PAPSS1: variants seen among roughly 807,000 people sequenced by gnomAD.
The protein encoded by PAPSS1 is bifunctional 3'-phosphoadenosine 5'-phosphosulfate synthase 1.
PAPSS1 carries 50 observed loss-of-function variants against 72.0 expected under a neutral mutation model. The ratio of observed to expected loss-of-function variants is 0.69; its 90% CI spans 0.55 to 0.88. PAPSS1 has a LOEUF of 0.88. Ranked by LOEUF, PAPSS1 falls within the 40% of genes least tolerant of loss-of-function variation. The pLI is 0.00. For synonymous variants in PAPSS1, 261 were observed against 263.6 expected (o/e 0.99, Z 0.09); for missense variants, 657 against 782.2 (o/e 0.84, Z 1.91).
intron 11 of PAPSS1, among the ~76,000 whole-genome samples, chr4:107,617,206 G>C (rs975340760): frequency 1.4e-5 from 2 of 145,182 alleles, no homozygotes; most frequent in African/African-American, 2.6e-5. Context: ...TGAGTCTTCG[G>C]CTTTTTTTTT....
intron 1 of PAPSS1, among the ~76,000 whole-genome samples, chr4:107,709,878 A>G (rs1209996170): frequency 6.6e-6 from 1 of 152,244 alleles, no homozygotes; most frequent in Admixed American, 6.5e-5. Flanking sequence ...TCTCCTGTTC[A>G]GCTGGCTCTG....
chr4:107,716,554 A>G (rs925457774), intron 1 of PAPSS1, among the ~76,000 whole-genome samples: 3 of 152,338 alleles, frequency 2.0e-5, no homozygotes, highest in Middle Eastern at 3.4e-3. Context: ...GCCCAATATG[A>G]TTCTACAAAA....
intron 5 of PAPSS1, among the ~76,000 whole-genome samples, chr4:107,671,884 A>G (rs1159861987): frequency 2.0e-5 from 3 of 152,154 alleles, no homozygotes; most frequent in Non-Finnish European, 4.4e-5. Flanking sequence ...TTCTCAATCC[A>G]TGGTTGTTTG....
In PAPSS1 at chr4:107,679,995, C is replaced by T. The variant is rs554056431; in HGVS notation, c.669+2020G>A. 2.0e-5 allele frequency among the ~76,000 whole-genome samples: 3 copies of T among 151,846 alleles called. No individual in the cohort carries two copies. In the East Asian group the frequency reaches 5.8e-4, roughly 29 times the overall value. On this transcript the variant is annotated intron_variant, in intron 5 of 11. Transcript: ENST00000265174. Reference sequence around the variant, plus strand: ...ATATTGGATACAGCTAAGGAATCAGCAAACATAAAAATCAGAAATTATCAA... The same window carrying T: ...ATATTGGATACAGCTAAGGAATCAGTAAACATAAAAATCAGAAATTATCAA...
intron 3 of PAPSS1, among the ~76,000 whole-genome samples, chr4:107,693,201 G>A (rs10030486): frequency 0.9 from 136,737 of 152,240 alleles, 61,576 homozygotes; most frequent in South Asian, 0.95. Flanking sequence ...ATCTATAACT[G>A]GAAGTCAGCT....
chr4:107,687,877 T>G (rs1197429177), intron 3 of PAPSS1, among the ~76,000 whole-genome samples: 2 of 152,042 alleles, frequency 1.3e-5, no homozygotes, highest in African/African-American at 4.8e-5. Flanking sequence ...ACCATCCTTT[T>G]TCCACACAGC....
chr4:107,614,418 C>T (rs1335480655), intron 11 of PAPSS1, 31 bp from the exon 12 acceptor site: 1 of 1,550,830 alleles, frequency 6.4e-7, no homozygotes, highest in South Asian at 1.2e-5. Flanking sequence ...AAAATTATTT[C>T]ATAATTTTAG....
In PAPSS1 at chr4:107,644,985, C is replaced by G. The variant is rs1726654260; in HGVS notation, c.1323G>C (p.Glu441Asp). The change falls in exon 10 of 12, where the codon GAG (glutamate) becomes GAC (aspartate). Residue 441 changes from glutamate to aspartate, a missense_variant. Physicochemically the swap from Glu to Asp is conservative, Grantham distance 45. Transcript: ENST00000265174. ...LMQDTHKQLL[E>D]RGYRRPVLLL... is the part of the protein sequence containing the mutation. ...GGAGGACAGGGCGCCGGTAGCCCCTCTCTAGAAGTTGCTTATGGGTATCCT... is the reference window on the plus strand; with the variant it reads ...GGAGGACAGGGCGCCGGTAGCCCCTGTCTAGAAGTTGCTTATGGGTATCCT... 6.2e-7 allele frequency: 1 copy of G among 1,613,184 alleles called. No individual in the cohort carries two copies. Among genetic ancestry groups the G allele is most frequent in the Admixed American group, 1.7e-5 (1 of 59,954 alleles).
intron 11 of PAPSS1, among the ~76,000 whole-genome samples, chr4:107,626,037 G>T (rs538082458): frequency 6.6e-6 from 1 of 152,014 alleles, no homozygotes; most frequent in South Asian, 2.1e-4. Context: ...AAATAGCCGG[G>T]CGCGGTGGCA....
intron 5 of PAPSS1, among the ~76,000 whole-genome samples, chr4:107,671,268 T>G (rs1727459719): frequency 6.6e-6 from 1 of 151,706 alleles, no homozygotes; most frequent in African/African-American, 2.4e-5. Flanking sequence ...AAGTTTTTTT[T>G]TTTCAAGAAA....
chr4:107,702,984 T>C (rs760880143), intron 1 of PAPSS1, among the ~76,000 whole-genome samples: 50 of 152,172 alleles, frequency 3.3e-4, no homozygotes, highest in Admixed American at 3.1e-3. Context: ...ACACTAGGAT[T>C]TTCTTTTCTC....
chr4:107,688,956 G>C (rs2110340262), intron 3 of PAPSS1, among the ~76,000 whole-genome samples: 1 of 152,246 alleles, frequency 6.6e-6, no homozygotes, highest in South Asian at 2.1e-4. Flanking sequence ...ACAATCCTAA[G>C]AGTGGTTCCT....
At chr4:107,678,511 C>T (rs914684576) in intron 5 of PAPSS1, among the ~76,000 whole-genome samples, 4 of 151,940 alleles carry the variant, frequency 2.6e-5, no homozygotes, top group African/African-American at 9.7e-5. Context: ...CAAGTCCCAC[C>T]AAGAAAAGAC....
intron 5 of PAPSS1, among the ~76,000 whole-genome samples, chr4:107,666,535 A>G (rs1299370636): frequency 6.6e-6 from 1 of 152,224 alleles, no homozygotes; most frequent in African/African-American, 2.4e-5. Flanking sequence ...AAGAGAAGGC[A>G]ACCCAGAAAA....
chr4:107,702,724 C>G (rs1173197264), intron 1 of PAPSS1, among the ~76,000 whole-genome samples: 1 of 152,148 alleles, frequency 6.6e-6, no homozygotes, highest in Admixed American at 6.5e-5. Context: ...TGTAAATATA[C>G]TACTTTTTTT....
intron 1 of PAPSS1, among the ~76,000 whole-genome samples, chr4:107,713,617 G>A (rs990660734): frequency 6.6e-6 from 1 of 152,004 alleles, no homozygotes; most frequent in African/African-American, 2.4e-5. Context: ...AATTAGCTGG[G>A]CATGTTGGTG....
At chr4:107,658,703 T>A (rs1342704715) in intron 6 of PAPSS1, among the ~76,000 whole-genome samples, 1 of 152,166 alleles carries the variant, frequency 6.6e-6, no homozygotes, top group Non-Finnish European at 1.5e-5. Context: ...AAAATTGGAT[T>A]CATGAAGAAA....
intron 4 of PAPSS1, among the ~76,000 whole-genome samples, chr4:107,685,163 T>C (rs1357023588): frequency 2.0e-5 from 3 of 152,190 alleles, no homozygotes; most frequent in Non-Finnish European, 4.4e-5. Flanking sequence ...TCAACTCTTT[T>C]TGTCGCCAAA....
chr4:107,658,347 T>A (rs1727074981), intron 6 of PAPSS1, among the ~76,000 whole-genome samples: 3 of 127,630 alleles, frequency 2.4e-5, no homozygotes, highest in Admixed American at 8.0e-5. Flanking sequence ...ACAGCGAGAC[T>A]CCATTTAAAA....
Sources: gnomAD v4.1 joint callset for allele counts (sites outside exome capture counted in the v4.1 genomes callset) on GRCh38, gnomAD v4.1.1 for gene constraint, MANE v1.5 for transcripts, NCBI Gene and HGNC (gene_info 2026-07-23, HGNC 2026-07-21) for gene names.